SYT16: variants seen among roughly 807,000 people sequenced by gnomAD.
The protein encoded by SYT16 is synaptotagmin 16, also known as synaptotagmin-16.
A neutral mutation model predicts 61.4 loss-of-function variants in SYT16; 42 were observed. The observed-to-expected ratio is 0.68, with a 90% CI of 0.53 to 0.89. The LOEUF is 0.89. Ranked by LOEUF, SYT16 falls within the 40% of genes least tolerant of loss-of-function variation. The pLI is 0.00. For missense variants in SYT16, 804 were observed against 807.3 expected (o/e 1.00, Z 0.05); for synonymous variants, 314 against 302.3 (o/e 1.04, Z -0.40).
At chr14:62,019,437 G>A (rs1042809543) in intron 3 of SYT16, among the ~76,000 whole-genome samples, 1 of 152,190 alleles carries the variant, frequency 6.6e-6, no homozygotes, top group African/African-American at 2.4e-5. Flanking sequence ...CTTTCTTGCT[G>A]TGTACCTGTG....
chr14:61,975,281 G>A (rs566843946), intron 2 of SYT16, among the ~76,000 whole-genome samples: 339 of 152,270 alleles, frequency 2.2e-3, no homozygotes, highest in African/African-American at 7.8e-3. Context: ...CTGAGGGTGA[G>A]AGAGGTGAAT....
intron 4 of SYT16, among the ~76,000 whole-genome samples, chr14:62,071,174 C>A (rs1322103893): frequency 6.6e-6 from 1 of 152,220 alleles, no homozygotes; most frequent in Non-Finnish European, 1.5e-5. Context: ...CACACCCCCT[C>A]TCTTGGCTTT....
chr14:61,832,416 C>G, intron 1 of SYT16: 4 of 488,628 alleles, frequency 8.2e-6, no homozygotes, highest in Admixed American at 2.3e-5. Context: ...CCCGGTGTCC[C>G]GCGACCCCAG....
At chr14:62,015,137 G>A (rs2140726978) in intron 3 of SYT16, among the ~76,000 whole-genome samples, 1 of 152,200 alleles carries the variant, frequency 6.6e-6, no homozygotes, top group South Asian at 2.1e-4. Context: ...CCGATAGCAT[G>A]TTACATTTCT....
intron 4 of SYT16, among the ~76,000 whole-genome samples, chr14:62,072,399 G>T (rs1249478596): frequency 6.6e-6 from 1 of 152,202 alleles, no homozygotes; most frequent in Admixed American, 6.5e-5. Flanking sequence ...GTGTGTGTGT[G>T]TGTACCCCAA....
At chr14:61,867,834 T>A (rs1031374532) in intron 1 of SYT16, among the ~76,000 whole-genome samples, 1 of 152,078 alleles carries the variant, frequency 6.6e-6, no homozygotes, top group African/African-American at 2.4e-5. Context: ...TGAGGCAGTT[T>A]CCTTCTATTC....
chr14:62,027,737 A>C (rs1200833367), intron 3 of SYT16, among the ~76,000 whole-genome samples: 2 of 152,176 alleles, frequency 1.3e-5, no homozygotes, highest in Non-Finnish European at 2.9e-5. Context: ...TGCCCATTGA[A>C]TCAGACATGG....
intron 1 of SYT16, among the ~76,000 whole-genome samples, chr14:61,845,554 G>A (rs1340421742): frequency 6.6e-6 from 1 of 151,994 alleles, no homozygotes; most frequent in Non-Finnish European, 1.5e-5. Context: ...TTCTTTTCGT[G>A]TCTGATTTTA....
chr14:61,944,634 G>A (rs567562550), intron 1 of SYT16, among the ~76,000 whole-genome samples: 1 of 152,256 alleles, frequency 6.6e-6, no homozygotes, highest in Admixed American at 6.5e-5. Flanking sequence ...ACAAGCAATG[G>A]GGAAAGGATT....
chr14:61,926,264 G>A (rs1449593046), intron 1 of SYT16, among the ~76,000 whole-genome samples: 1 of 152,040 alleles, frequency 6.6e-6, no homozygotes, highest in Non-Finnish European at 1.5e-5. Context: ...CAAAGAGTAT[G>A]TGTTCTGTCT....
chr14:62,079,352 CT>C, intron 5 of SYT16: 3 of 1,211,932 alleles, frequency 2.5e-6, no homozygotes, highest in Non-Finnish European at 3.2e-6. Flanking sequence ...TAATTTGAAT[CT>C]TAAAAGAAAA....
At chr14:61,892,822 A>G (rs1250791196) in intron 1 of SYT16, among the ~76,000 whole-genome samples, 1 of 152,164 alleles carries the variant, frequency 6.6e-6, no homozygotes, top group Admixed American at 6.5e-5. Flanking sequence ...CTAAGGCACC[A>G]TTACTGTTCC....
chr14:61,922,116 C>T, intron 1 of SYT16, among the ~76,000 whole-genome samples: 1 of 152,192 alleles, frequency 6.6e-6, no homozygotes, highest in Non-Finnish European at 1.5e-5. Context: ...GCTTTATAAG[C>T]AGCGTGGTGA....
At chr14:61,965,323 A>G (rs1400745198) in intron 1 of SYT16, among the ~76,000 whole-genome samples, 1 of 152,200 alleles carries the variant, frequency 6.6e-6, no homozygotes, top group South Asian at 2.1e-4. Flanking sequence ...AGCTATGGCT[A>G]AGAGTCCTTC....
At chr14:62,042,853 G>T (rs1052647743) in intron 3 of SYT16, among the ~76,000 whole-genome samples, 4 of 152,232 alleles carry the variant, frequency 2.6e-5, no homozygotes, top group Non-Finnish European at 4.4e-5. Flanking sequence ...CTGTGGCCTG[G>T]TAATTTTCTC....
At chr14:61,814,260 G>C (rs959317731) in intron 1 of SYT16, among the ~76,000 whole-genome samples, 3 of 152,122 alleles carry the variant, frequency 2.0e-5, no homozygotes, top group African/African-American at 7.2e-5. Context: ...TTTATACAAA[G>C]TGTGATTCCA....
At chr14:61,941,307 G>T (rs1429232626) in intron 1 of SYT16, among the ~76,000 whole-genome samples, 1 of 152,156 alleles carries the variant, frequency 6.6e-6, no homozygotes, top group Non-Finnish European at 1.5e-5. Context: ...CAAGGGCTCA[G>T]ATTCACAGCT....
intron 1 of SYT16, among the ~76,000 whole-genome samples, chr14:61,884,280 T>G (rs1449296363): frequency 6.6e-6 from 1 of 152,198 alleles, no homozygotes; most frequent in African/African-American, 2.4e-5. Flanking sequence ...CAGCAATCCA[T>G]TCATCAGCAA....
chr14:61,865,443 G>A (rs1257909788), intron 1 of SYT16, among the ~76,000 whole-genome samples: 1 of 152,146 alleles, frequency 6.6e-6, no homozygotes, highest in African/African-American at 2.4e-5. Context: ...AGATCCTCCA[G>A]GCCTCATCAG....
Sources: allele counts gnomAD v4.1 joint callset (sites outside exome capture counted in the v4.1 genomes callset), GRCh38; gene constraint gnomAD v4.1.1; transcripts MANE v1.5; gene names NCBI Gene and HGNC (gene_info 2026-07-23, HGNC 2026-07-21).